Variants in FAM78B observed in about 807,000 individuals in gnomAD.
FAM78B encodes the protein protein FAM78B.
Under a neutral mutation model 20.0 loss-of-function variants are expected in FAM78B, and 10 were observed. The ratio of observed to expected loss-of-function variants is 0.50; its 90% CI spans 0.31 to 0.85. The LOEUF is 0.85. Ranked by LOEUF, FAM78B falls within the 40% of genes least tolerant of loss-of-function variation. The probability of loss-of-function intolerance (pLI) is 0.05; values close to 1 mark genes in which losing one functional copy is unlikely to be tolerated. For synonymous variants in FAM78B, 135 were observed against 132.8 expected (o/e 1.02, Z -0.12); for missense variants, 283 against 345.0 (o/e 0.82, Z 1.42).
At chr1:166,154,614 T>C (rs933529485) in intron 1 of FAM78B, 2 of 445,494 alleles carry the variant, frequency 4.5e-6, no homozygotes, top group African/African-American at 4.0e-5. Flanking sequence ...CCTGAAGACC[T>C]GGACCCTCAG....
At position 166,070,012 on chromosome 1, in the gene FAM78B, A is replaced by T. The variant is rs1453820805; in HGVS notation, c.*229T>A. 8.1e-7 allele frequency: 1 copy of T among 1,233,672 alleles called. No homozygotes were observed. The highest frequency in any genetic ancestry group is 1.5e-5 in the African/African-American group (1 of 64,986). The allele number at this position is 1,233,672 out of a possible 1,614,324, so 76.4% of individuals were successfully genotyped here. A position where few individuals can be genotyped will look rare whatever the true frequency, so the allele number is the denominator to read the frequency against. ...TGGCTACTTGCATGGTAATCACAGC[A>T]AGTCTGTCAAATCAGTGATTTCTTT... On this transcript the variant is annotated 3_prime_UTR_variant, in exon 2 of 2. Coordinates refer to ENST00000354422, the MANE Select transcript of FAM78B (RefSeq NM_001017961.5).
intron 1 of FAM78B, among the ~76,000 whole-genome samples, chr1:166,160,662 A>G (rs1277164481): frequency 6.6e-6 from 1 of 152,252 alleles, no homozygotes; most frequent in Non-Finnish European, 1.5e-5. Flanking sequence ...CTAACTTTGA[A>G]GAGACATTAT....
At chr1:166,101,811 C>A (rs1653532258) in intron 1 of FAM78B, among the ~76,000 whole-genome samples, 1 of 152,054 alleles carries the variant, frequency 6.6e-6, no homozygotes, top group East Asian at 1.9e-4. Context: ...GAGAACTTCC[C>A]CAATCTAGTA....
At chr1:166,072,803 G>A (rs974275059) in intron 1 of FAM78B, among the ~76,000 whole-genome samples, 4 of 152,166 alleles carry the variant, frequency 2.6e-5, no homozygotes, top group African/African-American at 9.7e-5. Flanking sequence ...TACACACAGG[G>A]CTTACTGTGG....
rs2101708435 is a variant in FAM78B, at chr1:166,069,634, A to G, written c.*607T>C. 6.6e-6 allele frequency: 1 copy of G among 152,396 alleles called. No individual in the cohort carries two copies. Among genetic ancestry groups the G allele is most frequent in the South Asian group, 2.1e-4 (1 of 4,830 alleles). The allele number at this position is 152,396 out of a possible 1,614,324, so 9.4% of individuals were successfully genotyped here. On this transcript the variant is annotated 3_prime_UTR_variant, in exon 2 of 2. Coordinates refer to ENST00000354422, the MANE Select transcript of FAM78B (RefSeq NM_001017961.5). ...CAGTTCCAAGGAGGCTTTCTCCCTC[A>G]GAAAGGAGCAAATATCAGTATTTGT... is the stretch of plus-strand genomic sequence containing the variant.
chr1:166,128,955 A>G (rs1195016006), intron 1 of FAM78B, among the ~76,000 whole-genome samples: 1 of 152,224 alleles, frequency 6.6e-6, no homozygotes, highest in Non-Finnish European at 1.5e-5. Flanking sequence ...AATAGAAAGC[A>G]TGGGAGGAGG....
chr1:166,097,655 C>G (rs1653339156), intron 1 of FAM78B, among the ~76,000 whole-genome samples: 1 of 152,136 alleles, frequency 6.6e-6, no homozygotes, highest in African/African-American at 2.4e-5. Context: ...CAGAGGGAGC[C>G]ATAATCCTCC....
chr1:166,116,815 G>A (rs368377569), intron 1 of FAM78B, among the ~76,000 whole-genome samples: 157 of 152,270 alleles, frequency 1.0e-3, no homozygotes, highest in African/African-American at 3.5e-3. Context: ...GTGACCTTGA[G>A]CATCCCTTTG....
intron 1 of FAM78B, among the ~76,000 whole-genome samples, chr1:166,106,122 C>T (rs1029170201): frequency 2.0e-5 from 3 of 147,938 alleles, no homozygotes; most frequent in East Asian, 2.0e-4. Context: ...AACCAAACAC[C>T]GTATGTTCTC....
chr1:166,143,836 C>T (rs2101791509), intron 1 of FAM78B, among the ~76,000 whole-genome samples: 1 of 152,254 alleles, frequency 6.6e-6, no homozygotes, highest in Middle Eastern at 3.4e-3. Context: ...ACGTGAGCCC[C>T]TGTGCCAAAC....
At chr1:166,108,833 A>G (rs1653886644) in intron 1 of FAM78B, among the ~76,000 whole-genome samples, 1 of 152,220 alleles carries the variant, frequency 6.6e-6, no homozygotes, top group Admixed American at 6.5e-5. Context: ...ATGGAACAAA[A>G]TAGAGAACCC....
chr1:166,083,560 G>A (rs376589932), intron 1 of FAM78B, among the ~76,000 whole-genome samples: 50 of 152,214 alleles, frequency 3.3e-4, no homozygotes, highest in East Asian at 3.1e-3. Flanking sequence ...GCTGGAGTGC[G>A]GTGGCGCGAT....
chr1:166,165,862 G>A (rs1248196489), intron 1 of FAM78B, 124 bp downstream of exon 1: 8 of 1,127,326 alleles, frequency 7.1e-6, no homozygotes, highest in Middle Eastern at 2.1e-4. Context: ...GGGAGAGGAG[G>A]CGGGAGGAAG....
intron 1 of FAM78B, among the ~76,000 whole-genome samples, chr1:166,109,814 G>GTA (rs201957585): frequency 0.033 from 1,063 of 32,406 alleles, 143 homozygotes; most frequent in Middle Eastern, 0.13. Flanking sequence ...ATGTATATAT[G>GTA]TATATATATA....
chr1:166,060,675 C>T (rs1651558475), intron 2 of FAM78B: 5 of 1,282,092 alleles, frequency 3.9e-6, no homozygotes, highest in Non-Finnish European at 5.1e-6. Flanking sequence ...TGTATGTGGA[C>T]ATGGAAACAT....
intron 1 of FAM78B, among the ~76,000 whole-genome samples, chr1:166,155,669 G>A (rs1050415013): frequency 6.6e-6 from 1 of 152,054 alleles, no homozygotes; most frequent in African/African-American, 2.4e-5. Context: ...GATGGTTCGT[G>A]GAAGCTTGAA....
At chr1:166,055,990 C>A (rs1651330776), downstream of FAM78B, among the ~76,000 whole-genome samples, 1 of 152,114 alleles carries the variant, frequency 6.6e-6, no homozygotes, top group African/African-American at 2.4e-5. Context: ...TTGTTCTTTC[C>A]AGAGATCATG....
intron 1 of FAM78B, among the ~76,000 whole-genome samples, chr1:166,092,584 C>A (rs1653120107): frequency 6.6e-6 from 1 of 152,196 alleles, no homozygotes; most frequent in African/African-American, 2.4e-5. Context: ...ATGAAGGTTG[C>A]AGACTCTGAT....
intron 1 of FAM78B, among the ~76,000 whole-genome samples, chr1:166,153,205 G>C (rs1655751280): frequency 6.6e-6 from 1 of 152,220 alleles, no homozygotes. Context: ...GTGGAGAACA[G>C]CTTTGCTCTT....
Sources: gnomAD v4.1 joint callset for allele counts (sites outside exome capture counted in the v4.1 genomes callset) on GRCh38, gnomAD v4.1.1 for gene constraint, MANE v1.5 for transcripts, NCBI Gene and HGNC (gene_info 2026-07-23, HGNC 2026-07-21) for gene names.